CDON: variants seen among roughly 807,000 people sequenced by gnomAD.
CDON encodes the protein cell adhesion molecule-related/down-regulated by oncogenes.
A neutral mutation model predicts 120.9 loss-of-function variants in CDON; 73 were observed. That is an observed-to-expected ratio of 0.60 (90% CI 0.50 to 0.73). CDON has a LOEUF of 0.73. CDON is among the 30% of genes least tolerant of loss of function. CDON has a pLI of 0.00. For missense variants in CDON, 1,470 were observed against 1,587.3 expected (o/e 0.93, Z 1.26); for synonymous variants, 566 against 573.5 (o/e 0.99, Z 0.19).
At chr11:125,983,026 TC>T (rs1477824156) in intron 16 of CDON, among the ~76,000 whole-genome samples, 11 of 152,138 alleles carry the variant, frequency 7.2e-5, no homozygotes, top group Admixed American at 6.5e-4. Context: ...AGTACTTTCT[TC>T]CCCCAGAACT....
In CDON at chr11:126,010,599, G is replaced by A. The variant is rs1301709655; in HGVS notation, c.1294C>T (p.Pro432Ser). The A allele has an allele frequency of 6.2e-7, 1 of 1,614,140 alleles. No homozygotes were observed. Among genetic ancestry groups the A allele is most frequent in the Admixed American group, 1.7e-5 (1 of 60,010 alleles). The change falls in exon 8 of 20, where the codon CCG (proline) becomes TCG (serine). Residue 432 changes from proline (P) to serine (S), a missense_variant. Physicochemically the swap from Pro to Ser is moderately conservative, Grantham distance 74 (BLOSUM62 -1). Coordinates refer to ENST00000531738, the MANE Select transcript of CDON (RefSeq NM_001378964.1). ...VTLSCNASGLPVPVIRWYDSH... is the reference protein window; with the variant it reads ...VTLSCNASGLSVPVIRWYDSH... ...TCATACCAACGAATGACCGGAACCG[G>A]CAGCCCACTGGCATTGCAGGACAGA...
At chr11:126,020,262 C>A (rs1947595737) in intron 3 of CDON, among the ~76,000 whole-genome samples, 1 of 152,186 alleles carries the variant, frequency 6.6e-6, no homozygotes, top group Admixed American at 6.5e-5. Flanking sequence ...CATCAAAACT[C>A]ACTTTCCCTA....
chr11:126,002,939 G>C (rs1317402393), intron 10 of CDON, among the ~76,000 whole-genome samples: 1 of 152,096 alleles, frequency 6.6e-6, no homozygotes, highest in East Asian at 1.9e-4. Flanking sequence ...TTGGGCCCTG[G>C]CACTTGCCAT....
At position 126,019,617 on chromosome 11, in the gene CDON, AC is replaced by A. The variant is rs1430084114; in HGVS notation, c.496+1del. 3.1e-6 allele frequency: 5 copies of A among 1,613,854 alleles called. No homozygotes were observed. The highest frequency in any genetic ancestry group is 4.2e-6 in the Non-Finnish European group (5 of 1,179,972). ...CCACCGGCTTTTCACAAAAGGTCTC[AC>A]CTGTGGAATGTTCCAGCCATTTTCC... On this transcript the variant is annotated splice_donor_variant, in intron 4 of 19. Transcript: ENST00000531738. LOFTEE classifies it high-confidence loss of function.
At chr11:125,964,835 T>C (rs1267480743) in intron 18 of CDON, among the ~76,000 whole-genome samples, 1 of 152,180 alleles carries the variant, frequency 6.6e-6, no homozygotes, top group Non-Finnish European at 1.5e-5. Context: ...AATTATGGAA[T>C]TAGAGAGGAA....
chr11:126,037,729 A>G (rs1356234479), intron 1 of CDON, among the ~76,000 whole-genome samples: 2 of 152,208 alleles, frequency 1.3e-5, no homozygotes, highest in Middle Eastern at 3.2e-3. Flanking sequence ...AAACAAAATT[A>G]TCAGTTGGTA....
At chr11:126,058,635 G>A (rs886623555) in intron 1 of CDON, among the ~76,000 whole-genome samples, 18 of 152,210 alleles carry the variant, frequency 1.2e-4, no homozygotes, top group African/African-American at 3.9e-4. Context: ...ATATGCTACT[G>A]CATTCTGCAT....
In CDON at chr11:126,021,261, T is replaced by C. The variant is rs568770843; in HGVS notation, c.336A>G (p.Thr112=). ...SIGAIVSGPA[T]VSVAVLGDFG... ...AATTAAACTCACCTGCCACAGATAC[T>C]GTCGCAGGGCCACTCACAATGGCAC... The change falls in exon 3 of 20, where the codon ACA becomes ACG. Residue 112 remains threonine, a synonymous_variant. Transcript: ENST00000531738. 5.0e-6 allele frequency: 8 copies of C among 1,614,044 alleles called. No individual in the cohort carries two copies. The highest frequency in any genetic ancestry group is 1.7e-4 in the Middle Eastern group (1 of 6,058).
At chr11:126,012,657 C>T (rs769868529) in intron 7 of CDON, among the ~76,000 whole-genome samples, 3 of 151,920 alleles carry the variant, frequency 2.0e-5, no homozygotes, top group Non-Finnish European at 4.4e-5. Context: ...AATCCACCCA[C>T]CTCCACCTCC....
chr11:125,971,313 G>A (rs914960448), intron 18 of CDON, among the ~76,000 whole-genome samples: 1 of 151,912 alleles, frequency 6.6e-6, no homozygotes, highest in African/African-American at 2.4e-5. Flanking sequence ...AACCTGGGAG[G>A]TGGAGCTTGC....
intron 2 of CDON, among the ~76,000 whole-genome samples, chr11:126,021,760 A>G (rs1044796233): frequency 2.6e-5 from 4 of 152,204 alleles, no homozygotes; most frequent in Non-Finnish European, 5.9e-5. Context: ...ACAAAAGACA[A>G]GAATGCTGAT....
At chr11:126,058,556 C>A (rs1412332083) in intron 1 of CDON, among the ~76,000 whole-genome samples, 1 of 152,054 alleles carries the variant, frequency 6.6e-6, no homozygotes, top group Admixed American at 6.5e-5. Flanking sequence ...GGGAGTAGGA[C>A]GGAAAAGACT....
chr11:126,002,723 T>C (rs527342420), intron 10 of CDON, among the ~76,000 whole-genome samples: 3 of 152,312 alleles, frequency 2.0e-5, no homozygotes, highest in African/African-American at 7.2e-5. Context: ...ACCTCCACAC[T>C]ATCCAGACTC....
chr11:125,965,516 C>T (rs1405862218), intron 18 of CDON, among the ~76,000 whole-genome samples: 2 of 152,106 alleles, frequency 1.3e-5, no homozygotes, highest in Non-Finnish European at 2.9e-5. Context: ...AGATAAGAAG[C>T]TGAGCAGAAC....
intron 1 of CDON, among the ~76,000 whole-genome samples, chr11:126,030,185 T>C (rs1416207598): frequency 6.6e-6 from 1 of 152,238 alleles, no homozygotes; most frequent in East Asian, 1.9e-4. Flanking sequence ...GCTAAAGGTA[T>C]ACCTCATCTT....
At chr11:126,041,777 C>T (rs1472167131) in intron 1 of CDON, among the ~76,000 whole-genome samples, 1 of 152,206 alleles carries the variant, frequency 6.6e-6, no homozygotes. Flanking sequence ...AAAGTCAATA[C>T]ACTTTTTAAA....
At chr11:126,036,582 AC>A (rs1209209126) in intron 1 of CDON, among the ~76,000 whole-genome samples, 1 of 152,202 alleles carries the variant, frequency 6.6e-6, no homozygotes, top group Non-Finnish European at 1.5e-5. Flanking sequence ...ACCTGTATAT[AC>A]CCTTGTAGGC....
intron 12 of CDON, among the ~76,000 whole-genome samples, chr11:125,996,137 T>C (rs1248434507): frequency 6.8e-6 from 1 of 147,294 alleles, no homozygotes; most frequent in Non-Finnish European, 1.5e-5. Flanking sequence ...AACAAGCAAT[T>C]TTCCTCTTAT....
intron 13 of CDON, 94 bp from the exon 14 acceptor site, chr11:125,994,483 A>C: frequency 1.3e-6 from 1 of 767,846 alleles, no homozygotes; most frequent in Non-Finnish European, 2.3e-6. Flanking sequence ...ACATTTTTCT[A>C]GGTTCATTTT....
Sources: gnomAD v4.1 joint callset for allele counts (sites outside exome capture counted in the v4.1 genomes callset) on GRCh38, gnomAD v4.1.1 for gene constraint, MANE v1.5 for transcripts, NCBI Gene and HGNC (gene_info 2026-07-23, HGNC 2026-07-21) for gene names.